The following MTFR1 variants were observed in gnomAD, a reference collection of about 807,000 sequenced individuals.
MTFR1 encodes mitochondrial fission regulator 1.
Under a neutral mutation model 38.8 loss-of-function variants are expected in MTFR1, and 28 were observed. The ratio of observed to expected loss-of-function variants is 0.72; its 90% CI spans 0.53 to 0.99. MTFR1 has a LOEUF of 0.99. Ranked by LOEUF, MTFR1 falls within the 50% of genes least tolerant of loss-of-function variation. The pLI is 0.00. For missense variants in MTFR1, 358 were observed against 395.5 expected (o/e 0.91, Z 0.81); for synonymous variants, 145 against 137.0 (o/e 1.06, Z -0.41).
chr8:65,675,744 C>T (rs1201616486), intron 2 of MTFR1, among the ~76,000 whole-genome samples: 1 of 152,172 alleles, frequency 6.6e-6, no homozygotes, highest in Non-Finnish European at 1.5e-5. Flanking sequence ...TTTATACAGG[C>T]AGTAAATTCG....
At chr8:65,673,206 T>A (rs1426161827) in intron 2 of MTFR1, among the ~76,000 whole-genome samples, 1 of 152,122 alleles carries the variant, frequency 6.6e-6, no homozygotes. Flanking sequence ...TCCAGTGTTG[T>A]TTTGACTCAG....
At chr8:65,698,925 C>T (rs1805531922) in intron 4 of MTFR1, among the ~76,000 whole-genome samples, 1 of 152,146 alleles carries the variant, frequency 6.6e-6, no homozygotes, top group Non-Finnish European at 1.5e-5. Context: ...GACAGGGTTT[C>T]ACCATGTTGG....
chr8:65,737,543 T>C (rs149278072), intron 3 of MTFR1, among the ~76,000 whole-genome samples: 2,963 of 152,264 alleles, frequency 0.019, 29 homozygotes, highest in African/African-American at 0.024. Flanking sequence ...CTCATTCTGT[T>C]GCCCAGGCTG....
At chr8:65,712,150 G>A (rs184110419), downstream of MTFR1, among the ~76,000 whole-genome samples, 29 of 152,298 alleles carry the variant, frequency 1.9e-4, no homozygotes, top group East Asian at 2.9e-3. Context: ...GAAAGAAAGC[G>A]TATTCCCCAG....
chr8:65,663,217 A>G (rs961316196), intron 1 of MTFR1, among the ~76,000 whole-genome samples: 10 of 152,140 alleles, frequency 6.6e-5, no homozygotes, highest in Non-Finnish European at 1.5e-4. Context: ...GATCCTGTTG[A>G]TCTGTGACCT....
In MTFR1 at chr8:65,707,827, T is replaced by G. The variant is rs771581043; in HGVS notation, c.765-16T>G. On this transcript the variant is annotated splice_polypyrimidine_tract_variant and intron_variant, in intron 6 of 7. Transcript: ENST00000262146. ...TGTATTGATCTGTCCCCTTGGTTTGTGTTCACTTCTCTAAGGTCAGAGCAA... is the reference window on the plus strand; with the variant it reads ...TGTATTGATCTGTCCCCTTGGTTTGGGTTCACTTCTCTAAGGTCAGAGCAA... The G allele has an allele frequency of 6.2e-7, 1 of 1,611,590 alleles. No individual in the cohort carries two copies. Among genetic ancestry groups the G allele is most frequent in the East Asian group, 2.2e-5 (1 of 44,858 alleles).
chr8:65,698,269 C>T (rs1248502857), intron 4 of MTFR1, among the ~76,000 whole-genome samples: 1 of 151,760 alleles, frequency 6.6e-6, no homozygotes, highest in African/African-American at 2.4e-5. Context: ...TCACCTTAAC[C>T]TCCTAAGTAG....
At chr8:65,767,157 A>G (rs968544642) in intron 3 of MTFR1, among the ~76,000 whole-genome samples, 5 of 152,188 alleles carry the variant, frequency 3.3e-5, no homozygotes, top group African/African-American at 9.7e-5. Flanking sequence ...CTCAACACCA[A>G]CACAGGATTG....
chr8:65,653,426 C>T lies in MTFR1; in HGVS notation c.-81+8642C>T, dbSNP rs556633906. Among the ~76,000 whole-genome samples the T allele has an allele frequency of 2.6e-5, 4 of 152,236 alleles. No individual in the cohort carries two copies. In the East Asian group the frequency reaches 7.7e-4, roughly 29 times the overall value. The stretch of plus-strand genomic sequence containing the variant: ...TCTCGGGAGGCTGAGGCCCAAGAAT[C>T]GCTTGACCCCGGGAGGTGGAGGTTG... On this transcript the variant is annotated intron_variant, in intron 1 of 7. Coordinates refer to ENST00000262146, the MANE Select transcript of MTFR1 (RefSeq NM_014637.4).
chr8:65,777,174 G>C, the MTFR1 span, among the ~76,000 whole-genome samples: 1 of 151,124 alleles, frequency 6.6e-6, no homozygotes, highest in Non-Finnish European at 1.5e-5. Context: ...CTGCCTCCTG[G>C]GTTCAAGCGA....
chr8:65,720,817 C>T (rs550492994), intron 3 of MTFR1, among the ~76,000 whole-genome samples: 26 of 152,192 alleles, frequency 1.7e-4, no homozygotes, highest in Non-Finnish European at 3.4e-4. Context: ...TTTCTGGCAG[C>T]CATCTTCACA....
rs766800865 is a variant in MTFR1 at position 65,708,989 on chromosome 8, T to G, written c.947T>G (p.Met316Arg). 1 of 1,613,996 alleles carries G rather than the reference T, an allele frequency of 6.2e-7. No homozygotes were observed. Among genetic ancestry groups the G allele is most frequent in the South Asian group, 1.1e-5 (1 of 91,086 alleles). Residue 316 changes from methionine (M) to arginine (R), a missense_variant, in exon 8 of 8, where the codon ATG (methionine) becomes AGG (arginine). Met to Arg is a moderately conservative substitution (Grantham distance 91). Coordinates refer to ENST00000262146, the MANE Select transcript of MTFR1 (RefSeq NM_014637.4). ...GTTTGTTTCTAGTTTGGGCCACACA[T>G]GTTGAAGCCAACAGGAAAAATGAAG... Reference protein sequence around the residue: ...TSERVLFGPHMLKPTGKMKAL... With the variant: ...TSERVLFGPHRLKPTGKMKAL...
chr8:65,716,148 CAAA>C (rs376045290), intron 2 of MTFR1, among the ~76,000 whole-genome samples: 2 of 88,578 alleles, frequency 2.3e-5, no homozygotes, highest in African/African-American at 4.2e-5. Flanking sequence ...GACCCTGTCT[CAAA>C]AAAAAAAAAA....
At chr8:65,693,993 C>T (rs1403964586) in intron 4 of MTFR1, among the ~76,000 whole-genome samples, 2 of 151,758 alleles carry the variant, frequency 1.3e-5, no homozygotes, top group Admixed American at 6.6e-5. Context: ...GCCTTGACCT[C>T]CCAGGCTCAT....
Position 65,686,338 on chromosome 8 carries a change from A to G in MTFR1, c.165+3887A>G, listed in dbSNP as rs554456825. ...TGTAATCCCAGCACTTTGGGAGGCC[A>G]ATGCGGGTGGATCACCTGAGGTCAG... On this transcript the variant is annotated intron_variant, in intron 3 of 7. Transcript: ENST00000262146. Among the ~76,000 whole-genome samples the G allele has an allele frequency of 4.6e-5, 7 of 151,728 alleles. No individual in the cohort carries two copies. The East Asian group carries it at 1.4e-3, about 30-fold the overall frequency.
chr8:65,737,985 C>G (rs1351237220), intron 3 of MTFR1, among the ~76,000 whole-genome samples: 2 of 152,192 alleles, frequency 1.3e-5, no homozygotes, highest in East Asian at 3.8e-4. Flanking sequence ...GTGATGGTCT[C>G]TCACTATTAA....
chr8:65,721,775 T>A (rs1806386502), intron 3 of MTFR1: 1 of 152,032 alleles, frequency 6.6e-6, no homozygotes, highest in Non-Finnish European at 1.5e-5. Flanking sequence ...TCACCTGTCT[T>A]CGATTCAATT....
chr8:65,739,848 A>G (rs1231642125), intron 3 of MTFR1, among the ~76,000 whole-genome samples: 1 of 152,150 alleles, frequency 6.6e-6, no homozygotes, highest in African/African-American at 2.4e-5. Context: ...ACATTTTCAA[A>G]TAGATTAATT....
At chr8:65,776,261 ATATC>A in the MTFR1 span, among the ~76,000 whole-genome samples, 1 of 152,312 alleles carries the variant, frequency 6.6e-6, no homozygotes, top group South Asian at 2.1e-4. Flanking sequence ...CACAAATCAA[ATATC>A]CATATATGTG....
Sources: allele counts gnomAD v4.1 joint callset (sites outside exome capture counted in the v4.1 genomes callset), GRCh38; gene constraint gnomAD v4.1.1; transcripts MANE v1.5; gene names NCBI Gene and HGNC (gene_info 2026-07-23, HGNC 2026-07-21).